CPQ: variants seen among roughly 807,000 people sequenced by gnomAD.
CPQ encodes carboxypeptidase Q.
Under a neutral mutation model 45.7 loss-of-function variants are expected in CPQ, and 37 were observed. The observed-to-expected ratio is 0.81, with a 90% CI of 0.62 to 1.07. The LOEUF (loss-of-function observed/expected upper bound fraction) is 1.07. Among genes scored for constraint, CPQ ranks in the 50% least tolerant of loss-of-function variants. CPQ has a pLI of 0.00. For synonymous variants in CPQ, 186 were observed against 205.8 expected (o/e 0.90, Z 0.82); for missense variants, 537 against 572.9 (o/e 0.94, Z 0.64).
chr8:96,695,256 G>C (rs1318322107), intron 1 of CPQ, among the ~76,000 whole-genome samples: 11 of 148,214 alleles, frequency 7.4e-5, no homozygotes, highest in African/African-American at 2.5e-4. Context: ...GCTGAAACTG[G>C]ATCCCTTCCT....
At chr8:96,833,888 G>C (rs1459850123) in intron 2 of CPQ, among the ~76,000 whole-genome samples, 4 of 152,070 alleles carry the variant, frequency 2.6e-5, no homozygotes, top group Non-Finnish European at 5.9e-5. Context: ...CATTTTAAAA[G>C]GATTTTCCAA....
intron 1 of CPQ, among the ~76,000 whole-genome samples, chr8:96,775,133 C>A (rs891688305): frequency 6.6e-5 from 10 of 152,060 alleles, no homozygotes; most frequent in Non-Finnish European, 1.5e-4. Context: ...GGTCACGAGG[C>A]CTCCTCTGGC....
At chr8:96,829,048 A>G (rs1413941448) in intron 2 of CPQ, among the ~76,000 whole-genome samples, 1 of 152,106 alleles carries the variant, frequency 6.6e-6, no homozygotes, top group African/African-American at 2.4e-5. Flanking sequence ...TGGGCCTGTG[A>G]TAGGCACCTC....
At chr8:97,101,438 A>C (rs1324874614) in intron 7 of CPQ, among the ~76,000 whole-genome samples, 1 of 151,702 alleles carries the variant, frequency 6.6e-6, no homozygotes, top group Non-Finnish European at 1.5e-5. Flanking sequence ...ATATATATAT[A>C]TATGATATAC....
chr8:96,647,685 G>A (rs1053159991), intron 1 of CPQ, among the ~76,000 whole-genome samples: 5 of 152,182 alleles, frequency 3.3e-5, no homozygotes, highest in Non-Finnish European at 5.9e-5. Context: ...AATTTAGAAT[G>A]AGAGCACAGG....
At chr8:96,804,078 G>C (rs2130824292) in intron 2 of CPQ, among the ~76,000 whole-genome samples, 1 of 152,256 alleles carries the variant, frequency 6.6e-6, no homozygotes, top group African/African-American at 2.4e-5. Context: ...AAGGATAAAG[G>C]ATTTACTGGG....
Position 97,066,024 on chromosome 8 carries a change from T to A in CPQ, c.1069T>A (p.Tyr357Asn), listed in dbSNP as rs1563570755. Residue 357 changes from tyrosine to asparagine, a missense_variant, in exon 7 of 8, where the codon TAC becomes AAC. Coordinates refer to ENST00000220763, the MANE Select transcript of CPQ (RefSeq NM_016134.4). ...TTGTGTTTAGGTAAATATTTCCAAC[T>A]ACAGTCTGGTGATGGAGTCTGACGC... Reference protein sequence around the residue: ...YQLHKVNISNYSLVMESDAGT... With the variant: ...YQLHKVNISNNSLVMESDAGT... The A allele has an allele frequency of 6.8e-6, 11 of 1,610,274 alleles. No homozygotes were observed. Among genetic ancestry groups the A allele is most frequent in the Non-Finnish European group, 9.3e-6 (11 of 1,179,224 alleles).
chr8:96,776,605 G>T lies in CPQ; in HGVS notation c.-34-8259G>T, dbSNP rs778164382. On this transcript the variant is annotated intron_variant, in intron 1 of 7. Transcript: ENST00000220763. ...AAATATTTAGAAACAGAATCAAAGG[G>T]CTTTGTTTTGTTTCCTCGAAATATA... Among the ~76,000 whole-genome samples, 3 of 152,164 alleles carry T rather than the reference G, an allele frequency of 2.0e-5. No homozygotes were observed. In the South Asian group the frequency reaches 6.2e-4, roughly 32 times the overall value.
At chr8:96,823,079 C>T (rs1003029182) in intron 2 of CPQ, among the ~76,000 whole-genome samples, 1 of 151,960 alleles carries the variant, frequency 6.6e-6, no homozygotes, top group Non-Finnish European at 1.5e-5. Flanking sequence ...TGGCTTCTTC[C>T]ATCTGCATTT....
At chr8:96,851,420 TCTGGATC>T (rs1011548344) in intron 3 of CPQ, among the ~76,000 whole-genome samples, 1 of 152,168 alleles carries the variant, frequency 6.6e-6, no homozygotes, top group African/African-American at 2.4e-5. Context: ...TTCTCACAGT[TCTGGATC>T]CTGGGAGGTC....
chr8:96,752,043 G>A (rs565226888), intron 1 of CPQ, among the ~76,000 whole-genome samples: 1 of 152,102 alleles, frequency 6.6e-6, no homozygotes. Context: ...CTTTAGACTT[G>A]TAGTATAGTT....
intron 7 of CPQ, among the ~76,000 whole-genome samples, chr8:97,105,338 A>T (rs1029928830): frequency 6.6e-5 from 10 of 152,266 alleles, no homozygotes; most frequent in Admixed American, 6.5e-4. Flanking sequence ...TGACTGGCTT[A>T]TTTCACTTAG....
At chr8:96,774,493 C>T (rs968143411) in intron 1 of CPQ, among the ~76,000 whole-genome samples, 5 of 151,948 alleles carry the variant, frequency 3.3e-5, no homozygotes, top group African/African-American at 9.7e-5. Flanking sequence ...AAATGTGTCA[C>T]ATGAGTGATA....
chr8:96,919,926 G>C (rs112093208), intron 4 of CPQ, among the ~76,000 whole-genome samples: 18 of 152,230 alleles, frequency 1.2e-4, no homozygotes, highest in African/African-American at 3.9e-4. Flanking sequence ...TTGAACTTTA[G>C]CTCCTTCACT....
intron 5 of CPQ, among the ~76,000 whole-genome samples, chr8:96,972,551 C>T (rs776461106): frequency 3.3e-5 from 5 of 152,140 alleles, no homozygotes; most frequent in Non-Finnish European, 5.9e-5. Flanking sequence ...CTTGTCAGTG[C>T]CACCTCCTGG....
chr8:97,026,140 C>G lies in CPQ; in HGVS notation c.962-3263C>G, dbSNP rs367783791. On this transcript the variant is annotated intron_variant, in intron 5 of 7. Coordinates refer to ENST00000220763, the MANE Select transcript of CPQ (RefSeq NM_016134.4). ...GCGGTCTGAGGACCATGTGTCTCAC[C>G]TAGTTCTCCCACATGCTCTCCCTGG... is the stretch of plus-strand genomic sequence containing the variant. Among the ~76,000 whole-genome samples, 23 of 152,298 alleles carry G rather than the reference C, an allele frequency of 1.5e-4. No individual in the cohort carries two copies. In the East Asian group the frequency reaches 2.3e-3, roughly 15 times the overall value.
At chr8:96,850,316 C>A (rs933237032) in intron 3 of CPQ, among the ~76,000 whole-genome samples, 10 of 152,136 alleles carry the variant, frequency 6.6e-5, no homozygotes, top group African/African-American at 2.4e-4. Context: ...AGCTGCCTGG[C>A]CTTCCTCTGG....
intron 7 of CPQ, among the ~76,000 whole-genome samples, chr8:97,069,219 C>T (rs1173450446): frequency 6.6e-6 from 1 of 152,080 alleles, no homozygotes; most frequent in African/African-American, 2.4e-5. Context: ...GAAGACAGAA[C>T]CAAATTACTG....
intron 2 of CPQ, among the ~76,000 whole-genome samples, chr8:96,807,023 G>A (rs1020405481): frequency 1.3e-5 from 2 of 152,176 alleles, no homozygotes; most frequent in Admixed American, 6.5e-5. Flanking sequence ...AAAATATTAA[G>A]TTTTAAGGAG....
Sources: gnomAD v4.1 joint callset for allele counts (sites outside exome capture counted in the v4.1 genomes callset) on GRCh38, gnomAD v4.1.1 for gene constraint, MANE v1.5 for transcripts, NCBI Gene and HGNC (gene_info 2026-07-23, HGNC 2026-07-21) for gene names.